The following FRG1 variants were observed in gnomAD, a reference collection of about 807,000 sequenced individuals.
FRG1 encodes the protein protein FRG1.
Under a neutral mutation model 37.0 loss-of-function variants are expected in FRG1, and 19 were observed. The ratio of observed to expected loss-of-function variants is 0.51; its 90% CI spans 0.36 to 0.75. The LOEUF (loss-of-function observed/expected upper bound fraction) is 0.75, where lower values mean the gene tolerates loss of function less well. Ranked by LOEUF, FRG1 falls within the 30% of genes least tolerant of loss-of-function variation. The pLI is 0.00. For synonymous variants in FRG1, 73 were observed against 96.5 expected, an observed-to-expected ratio of 0.76 and a Z score of 1.43; for missense variants, 243 against 301.4, an observed-to-expected ratio of 0.81 and a Z score of 1.44.
chr4:189,951,092 G>A (rs7658339), intron 2 of FRG1, among the ~76,000 whole-genome samples: 1 of 151,862 alleles, frequency 6.6e-6, no homozygotes, highest in Non-Finnish European at 1.5e-5. Context: ...TTATAACAAC[G>A]GCTTAAATAA....
chr4:189,960,601 T>C (rs1471525563), intron 6 of FRG1, 147 bp from the exon 7 acceptor site: 5 of 915,504 alleles, frequency 5.5e-6, no homozygotes, highest in African/African-American at 5.1e-5. Flanking sequence ...TAAAAACACA[T>C]AGCCAGAACC....
At chr4:189,945,298 G>A (rs112631068) in intron 2 of FRG1, among the ~76,000 whole-genome samples, 1 of 152,200 alleles carries the variant, frequency 6.6e-6, no homozygotes, top group Non-Finnish European at 1.5e-5. Flanking sequence ...GCATTGAACA[G>A]AAGTCATGAG....
intron 1 of FRG1, 30 bp downstream of exon 1, chr4:189,941,101 C>G: frequency 6.2e-7 from 1 of 1,605,324 alleles, no homozygotes. Context: ...CGGGAGCCTC[C>G]TCCGTTCTTT....
In FRG1 at chr4:189,942,505, A is replaced by G. The variant is rs139333318; in HGVS notation, c.63-697A>G. On this transcript the variant is annotated intron_variant, in intron 1 of 8. Transcript: ENST00000226798. ...TTTGTATCTGGCTCCTTTCACTTATAACATTATTGAGGTTCATCATTGTTG... is the reference window on the plus strand; with the variant it reads ...TTTGTATCTGGCTCCTTTCACTTATGACATTATTGAGGTTCATCATTGTTG... 4.7e-3 allele frequency among the ~76,000 whole-genome samples: 714 copies of G among 152,276 alleles called. 4 individuals carry two copies. The highest frequency in any genetic ancestry group is 0.017 in the African/African-American group (690 of 41,536).
chr4:189,943,300 G>GA (rs1408556952), intron 2 of FRG1, 28 bp downstream of exon 2: 3 of 1,583,818 alleles, frequency 1.9e-6, no homozygotes, highest in Admixed American at 1.9e-5. Context: ...GCTCTATTCT[G>GA]AAAAAAGTTA....
intron 4 of FRG1, among the ~76,000 whole-genome samples, chr4:189,954,174 G>C (rs202056767): frequency 6.6e-6 from 1 of 151,488 alleles, no homozygotes; most frequent in African/African-American, 2.4e-5. Flanking sequence ...TTCCATATCA[G>C]GTTTTCAAGT....
rs777139719 is a variant in FRG1 at position 189,955,109 on chromosome 4, T to A, written c.390T>A (p.Asp130Glu). The change falls in exon 5 of 9, where the codon GAT (aspartate) becomes GAA (glutamate). Residue 130 changes from aspartate to glutamate, a missense_variant. Coordinates refer to ENST00000226798, the MANE Select transcript of FRG1 (RefSeq NM_004477.3). ...ATGGACTTGTTGTTGGGCGTTCAGA[T>A]GCAATTGGACCAAGAGAACAATGGG... is the stretch of plus-strand genomic sequence containing the variant. Reference protein sequence around the residue: ...NSDGLVVGRSDAIGPREQWEP... With the variant: ...NSDGLVVGRSEAIGPREQWEP... 3.1e-6 allele frequency: 5 copies of A among 1,613,468 alleles called. No individual in the cohort carries two copies. The highest frequency in any genetic ancestry group is 4.2e-6 in the Non-Finnish European group (5 of 1,179,540).
chr4:189,952,667 G>C (rs1736808136), intron 3 of FRG1, among the ~76,000 whole-genome samples: 1 of 152,076 alleles, frequency 6.6e-6, no homozygotes, highest in African/African-American at 2.4e-5. Flanking sequence ...ATTTTCTTTA[G>C]CCCATTAGAG....
At chr4:189,947,837 T>C (rs1736593463) in intron 2 of FRG1, among the ~76,000 whole-genome samples, 1 of 152,242 alleles carries the variant, frequency 6.6e-6, no homozygotes, top group Non-Finnish European at 1.5e-5. Flanking sequence ...CTCAGCTTAG[T>C]GACAGTGACA....
intron 5 of FRG1, 109 bp from the exon 6 acceptor site, chr4:189,957,289 C>A: frequency 3.4e-6 from 5 of 1,459,246 alleles, no homozygotes; most frequent in Middle Eastern, 1.8e-4. Context: ...TCTCTAAGTT[C>A]TTTTCTGTGA....
chr4:189,962,264 G>C (rs535266890), intron 8 of FRG1, among the ~76,000 whole-genome samples: 1 of 152,262 alleles, frequency 6.6e-6, no homozygotes, highest in East Asian at 1.9e-4. Flanking sequence ...GATTCTGTTA[G>C]AGTAGTTCAG....
chr4:189,943,154 G>T (rs201740453), intron 1 of FRG1, 48 bp from the exon 2 acceptor site: 2 of 1,486,504 alleles, frequency 1.3e-6, no homozygotes, highest in Middle Eastern at 1.8e-4. Flanking sequence ...AATATTTATC[G>T]TACAAATCAA....
At chr4:189,947,655 G>A (rs1372312042) in intron 2 of FRG1, among the ~76,000 whole-genome samples, 9 of 152,224 alleles carry the variant, frequency 5.9e-5, no homozygotes, top group African/African-American at 1.7e-4. Context: ...AGAAGTGCCA[G>A]CCACTCTGCA....
Position 189,943,264 on chromosome 4 carries a change from A to G in FRG1, c.125A>G (p.Asp42Gly). Residue 42 changes from aspartate (D) to glycine (G), a missense_variant, in exon 2 of 9, where the codon GAT becomes GGT. This residue lies in a region of FRG1 where 110 missense variants were observed against 102.2 expected (regional missense o/e 1.08). Coordinates refer to ENST00000226798, the MANE Select transcript of FRG1 (RefSeq NM_004477.3). ...KREEDEETQL[D>G]IVGIWWTVTN... Reference sequence around the variant, plus strand: ...GAAGAAGATGAAGAAACCCAGCTTGATATTGTTGGTGAGTCAGTTTTCAGT... The same window carrying G: ...GAAGAAGATGAAGAAACCCAGCTTGGTATTGTTGGTGAGTCAGTTTTCAGT... 1.2e-6 allele frequency: 2 copies of G among 1,608,170 alleles called. No individual in the cohort carries two copies. Among genetic ancestry groups the G allele is most frequent in the African/African-American group, 1.3e-5 (1 of 74,702 alleles).
At chr4:189,943,653 C>T (rs1736411843) in intron 2 of FRG1, among the ~76,000 whole-genome samples, 1 of 152,152 alleles carries the variant, frequency 6.6e-6, no homozygotes, top group South Asian at 2.1e-4. Flanking sequence ...GAAGTATCTT[C>T]ACAGGAAAAA....
chr4:189,949,093 T>C (rs1388021049), intron 2 of FRG1, among the ~76,000 whole-genome samples: 1 of 152,158 alleles, frequency 6.6e-6, no homozygotes, highest in Non-Finnish European at 1.5e-5. Context: ...GGAAATAACT[T>C]TAAGCATGTG....
chr4:189,947,763 A>G (rs1736591246), intron 2 of FRG1, among the ~76,000 whole-genome samples: 1 of 152,204 alleles, frequency 6.6e-6, no homozygotes, highest in Non-Finnish European at 1.5e-5. Flanking sequence ...CCTCACCTGT[A>G]TGTAGTTCCC....
intron 6 of FRG1, among the ~76,000 whole-genome samples, chr4:189,957,777 A>C (rs368035829): frequency 6.6e-6 from 1 of 152,126 alleles, no homozygotes; most frequent in South Asian, 2.1e-4. Flanking sequence ...GCTCTTTTTA[A>C]GCTTTCATTT....
chr4:189,950,158 G>A (rs1736694522), intron 2 of FRG1, among the ~76,000 whole-genome samples: 1 of 152,160 alleles, frequency 6.6e-6, no homozygotes, highest in South Asian at 2.1e-4. Context: ...CTTTTCAAGT[G>A]CTTATTGGCC....
Sources: allele counts gnomAD v4.1 joint callset (sites outside exome capture counted in the v4.1 genomes callset), GRCh38; gene constraint gnomAD v4.1.1; regional missense constraint gnomAD v4.1.1; transcripts MANE v1.5; gene names NCBI Gene and HGNC (gene_info 2026-07-23, HGNC 2026-07-21).